The following PDE4B variants were observed in gnomAD, a reference collection of about 807,000 sequenced individuals.
The protein encoded by PDE4B is phosphodiesterase 4B, also known as 3',5'-cyclic-AMP phosphodiesterase 4B.
In PDE4B, 20 loss-of-function variants were observed where a neutral mutation model predicts 82.2. The observed-to-expected ratio is 0.24, with a 90% CI of 0.17 to 0.35. PDE4B has a LOEUF of 0.35. Ranked by LOEUF, PDE4B falls within the 10% of genes least tolerant of loss-of-function variation. The probability of loss-of-function intolerance (pLI) is 1.00; values close to 1 mark genes in which losing one functional copy is unlikely to be tolerated. For synonymous variants in PDE4B, 320 were observed against 318.9 expected (o/e 1.00, Z -0.04); for missense variants, 655 against 907.2 (o/e 0.72, Z 3.57).
At chr1:66,363,349 A>T in intron 11 of PDE4B, 58 bp from the exon 12 acceptor site, 1 of 1,555,716 alleles carries the variant, frequency 6.4e-7, no homozygotes, top group Non-Finnish European at 8.8e-7. Flanking sequence ...TTCTGATTTA[A>T]CTTTCCTCGA....
chr1:66,038,564 A>G (rs2100819805), intron 3 of PDE4B, among the ~76,000 whole-genome samples: 1 of 152,196 alleles, frequency 6.6e-6, no homozygotes, highest in African/African-American at 2.4e-5. Flanking sequence ...GGAAAAAAAG[A>G]TATCTGCAAG....
At chr1:66,363,116 A>G in intron 10 of PDE4B, 52 bp from the exon 11 acceptor site, 1 of 1,219,012 alleles carries the variant, frequency 8.2e-7, no homozygotes, top group Non-Finnish European at 1.2e-6. Context: ...AAAATGAGGC[A>G]TGTTAGCACA....
chr1:66,353,348 G>A (rs552052727), intron 8 of PDE4B, among the ~76,000 whole-genome samples: 1 of 152,310 alleles, frequency 6.6e-6, no homozygotes, highest in Admixed American at 6.5e-5. Flanking sequence ...GAGCCAGCAG[G>A]CAGAAATACT....
intron 3 of PDE4B, among the ~76,000 whole-genome samples, chr1:65,934,995 A>C (rs1195523051): frequency 1.3e-5 from 2 of 152,188 alleles, no homozygotes; most frequent in Admixed American, 1.3e-4. Context: ...CTTGAACAGC[A>C]CTATAGACCA....
chr1:65,974,852 T>G (rs1650327357), intron 3 of PDE4B, among the ~76,000 whole-genome samples: 1 of 152,216 alleles, frequency 6.6e-6, no homozygotes, highest in Non-Finnish European at 1.5e-5. Flanking sequence ...TCCTGTGAAC[T>G]GTCAGTCAAT....
intron 1 of PDE4B, among the ~76,000 whole-genome samples, chr1:65,817,884 GAC>G (rs199601412): frequency 0.01 from 1,533 of 151,998 alleles, 29 homozygotes; most frequent in African/African-American, 0.036. Flanking sequence ...ATTTTACAAG[GAC>G]ACACACATTA....
intron 3 of PDE4B, among the ~76,000 whole-genome samples, chr1:66,110,082 C>T (rs1441259173): frequency 6.6e-6 from 1 of 151,812 alleles, no homozygotes; most frequent in Non-Finnish European, 1.5e-5. Context: ...AGTCAGGGTA[C>T]CATATAAACC....
chr1:66,258,995 T>C (rs1336041426), intron 6 of PDE4B, among the ~76,000 whole-genome samples: 1 of 152,156 alleles, frequency 6.6e-6, no homozygotes, highest in Non-Finnish European at 1.5e-5. Context: ...TGGTCCAGTG[T>C]TATCATTAAG....
chr1:66,041,819 C>CACACAT (rs1553136748), intron 3 of PDE4B, among the ~76,000 whole-genome samples: 2 of 88,996 alleles, frequency 2.2e-5, no homozygotes, highest in African/African-American at 8.3e-5. Context: ...CACACACACA[C>CACACAT]ACACACACAT....
chr1:66,196,638 G>T (rs568305033), intron 3 of PDE4B, among the ~76,000 whole-genome samples: 1 of 152,148 alleles, frequency 6.6e-6, no homozygotes, highest in Non-Finnish European at 1.5e-5. Context: ...CATAAAAAAT[G>T]ATGAGTTCAT....
chr1:66,265,980 G>C, intron 6 of PDE4B, 58 bp from the exon 7 acceptor site: 1 of 1,262,260 alleles, frequency 7.9e-7, no homozygotes, highest in Admixed American at 1.7e-5. Flanking sequence ...GGGGTGTCGG[G>C]GGTGGAATGG....
At chr1:65,814,815 C>G (rs1299615048) in intron 1 of PDE4B, among the ~76,000 whole-genome samples, 1 of 151,590 alleles carries the variant, frequency 6.6e-6, no homozygotes, top group Non-Finnish European at 1.5e-5. Flanking sequence ...TTAGGTTGTT[C>G]CCAGGTGTAA....
rs182237388 is a variant in PDE4B, at chr1:66,359,765, G to T, written c.842-1850G>T. Among the ~76,000 whole-genome samples, 1,276 of 152,296 alleles carry T rather than the reference G, an allele frequency of 8.4e-3. 8 individuals are homozygous for T. Among genetic ancestry groups the T allele is most frequent in the Non-Finnish European group, 0.015 (1,029 of 68,020 alleles). ...TGGTAGCCTTTCATTTTAGCAAAAA[G>T]TAGTAGTTATTAGGAGTAAAGTGAC... is the stretch of plus-strand genomic sequence containing the variant. On this transcript the variant is annotated intron_variant, in intron 9 of 16. Transcript: ENST00000341517.
chr1:66,363,912 AT>A (rs1663021603), intron 12 of PDE4B, among the ~76,000 whole-genome samples: 1 of 152,228 alleles, frequency 6.6e-6, no homozygotes, highest in African/African-American at 2.4e-5. Context: ...TTTATAAAAA[AT>A]GAATGACATT....
intron 1 of PDE4B, among the ~76,000 whole-genome samples, chr1:65,829,982 C>T (rs1646063712): frequency 1.3e-5 from 2 of 152,144 alleles, no homozygotes; most frequent in Admixed American, 6.6e-5. Flanking sequence ...GGTTTCTAAA[C>T]ACAGTTCTTC....
intron 3 of PDE4B, among the ~76,000 whole-genome samples, chr1:66,148,886 TTTTG>T (rs1646327028): frequency 6.6e-6 from 1 of 152,240 alleles, no homozygotes; most frequent in Non-Finnish European, 1.5e-5. Context: ...CTACACCATA[TTTTG>T]TTTATCCACT....
intron 3 of PDE4B, among the ~76,000 whole-genome samples, chr1:66,079,604 T>A (rs1397048429): frequency 1.3e-5 from 2 of 151,946 alleles, no homozygotes; most frequent in African/African-American, 4.8e-5. Flanking sequence ...ATAGAAAGAG[T>A]TATTTAGAGA....
At chr1:65,894,032 T>G (rs145940037) in intron 1 of PDE4B, among the ~76,000 whole-genome samples, 14 of 151,984 alleles carry the variant, frequency 9.2e-5, no homozygotes, top group African/African-American at 3.4e-4. Context: ...AAAGACTACA[T>G]ATTGGGCACA....
chr1:66,208,926 G>A (rs1435592978), intron 3 of PDE4B, among the ~76,000 whole-genome samples: 1 of 152,176 alleles, frequency 6.6e-6, no homozygotes, highest in East Asian at 1.9e-4. Flanking sequence ...GAAAAGATGT[G>A]TATGCCCAAA....
Sources: gnomAD v4.1 joint callset for allele counts (sites outside exome capture counted in the v4.1 genomes callset) on GRCh38, gnomAD v4.1.1 for gene constraint, MANE v1.5 for transcripts, NCBI Gene and HGNC (gene_info 2026-07-23, HGNC 2026-07-21) for gene names.